XKR4: variants seen among roughly 807,000 people sequenced by gnomAD.
XKR4 encodes XK-related protein 4.
Under a neutral mutation model 53.9 loss-of-function variants are expected in XKR4, and 12 were observed. That is an observed-to-expected ratio of 0.22 (90% CI 0.14 to 0.36). The LOEUF (loss-of-function observed/expected upper bound fraction) is 0.36, where lower values mean the gene tolerates loss of function less well. Ranked by LOEUF, XKR4 falls within the 10% of genes least tolerant of loss-of-function variation. XKR4 has a pLI of 1.00. For synonymous variants in XKR4, 354 were observed against 362.4 expected, an observed-to-expected ratio of 0.98 and a Z score of 0.26; for missense variants, 799 against 859.5, an observed-to-expected ratio of 0.93 and a Z score of 0.88.
intron 1 of XKR4, among the ~76,000 whole-genome samples, chr8:55,284,840 C>T (rs1818886165): frequency 6.6e-6 from 1 of 152,178 alleles, no homozygotes; most frequent in Non-Finnish European, 1.5e-5. Context: ...ATGTTTATTG[C>T]ATCAGCCTCA....
At chr8:55,459,693 A>G (rs893496504) in intron 2 of XKR4, among the ~76,000 whole-genome samples, 25 of 152,176 alleles carry the variant, frequency 1.6e-4, no homozygotes, top group African/African-American at 4.3e-4. Context: ...GATACTAAAC[A>G]TCTTTTAGTA....
At chr8:55,132,720 G>T (rs7830796) in intron 1 of XKR4, among the ~76,000 whole-genome samples, 370 of 152,284 alleles carry the variant, frequency 2.4e-3, no homozygotes, top group African/African-American at 8.4e-3. Flanking sequence ...GGGTCCTAAC[G>T]TACTTGCCTG....
intron 1 of XKR4, among the ~76,000 whole-genome samples, chr8:55,302,083 T>C (rs1819208069): frequency 6.6e-6 from 1 of 152,074 alleles, no homozygotes; most frequent in Admixed American, 6.5e-5. Context: ...GCCTATGTCC[T>C]GAATGGTATT....
chr8:55,208,986 AT>A (rs1391580296), intron 1 of XKR4, among the ~76,000 whole-genome samples: 1 of 152,192 alleles, frequency 6.6e-6, no homozygotes, highest in Non-Finnish European at 1.5e-5. Flanking sequence ...ATAAACTGTA[AT>A]TCAACACTGT....
intron 1 of XKR4, among the ~76,000 whole-genome samples, chr8:55,277,903 AAT>A (rs1423310516): frequency 6.6e-6 from 1 of 152,244 alleles, no homozygotes; most frequent in Non-Finnish European, 1.5e-5. Flanking sequence ...AAAATAAAAA[AAT>A]ATGTGAATAT....
chr8:55,393,931 G>A (rs1056243957), intron 2 of XKR4, among the ~76,000 whole-genome samples: 2 of 152,292 alleles, frequency 1.3e-5, no homozygotes, highest in East Asian at 1.9e-4. Flanking sequence ...TTCTGCCCAA[G>A]ACAGTTCATC....
intron 2 of XKR4, among the ~76,000 whole-genome samples, chr8:55,368,748 T>C (rs571196235): frequency 3.3e-5 from 5 of 152,318 alleles, no homozygotes; most frequent in African/African-American, 1.2e-4. Context: ...TGGAAGGCAC[T>C]CAAAAGTCCT....
In XKR4 at chr8:55,510,330, G is replaced by A. The variant is rs150108019; in HGVS notation, c.1007-12951G>A. Reference sequence around the variant, plus strand: ...TCTCCAGGCAGAAGGTGGACGAGAAGCGGGAAGGCGCAATTCTGGAAGGAC... The same window carrying A: ...TCTCCAGGCAGAAGGTGGACGAGAAACGGGAAGGCGCAATTCTGGAAGGAC... On this transcript the variant is annotated intron_variant, in intron 2 of 2. Transcript: ENST00000327381. Among the ~76,000 whole-genome samples the A allele has an allele frequency of 2.4e-3, 369 of 152,326 alleles. 1 individual carries two copies. The highest frequency in any genetic ancestry group is 4.1e-3 in the Non-Finnish European group (276 of 68,028).
intron 1 of XKR4, among the ~76,000 whole-genome samples, chr8:55,159,232 A>G (rs1816950699): frequency 6.6e-6 from 1 of 152,150 alleles, no homozygotes; most frequent in Non-Finnish European, 1.5e-5. Flanking sequence ...TAGGTATTTT[A>G]TTCTTTTATT....
intron 1 of XKR4, among the ~76,000 whole-genome samples, chr8:55,171,730 C>CTGCATTT (rs1298316948): frequency 3.9e-5 from 6 of 152,168 alleles, no homozygotes; most frequent in African/African-American, 1.4e-4. Flanking sequence ...AGGCATTGCC[C>CTGCATTT]TGCATTTTTC....
chr8:55,135,798 T>A (rs1342049814), intron 1 of XKR4: 4 of 296,208 alleles, frequency 1.4e-5, no homozygotes, highest in African/African-American at 4.3e-5. Context: ...GACCACTTCC[T>A]CTCTCTGGTC....
intron 2 of XKR4, among the ~76,000 whole-genome samples, chr8:55,439,425 C>T (rs1805233993): frequency 6.6e-6 from 1 of 152,066 alleles, no homozygotes; most frequent in Non-Finnish European, 1.5e-5. Context: ...ACCTCAGCAA[C>T]AGATTGGCAA....
chr8:55,147,207 G>A (rs1453956004), intron 1 of XKR4, among the ~76,000 whole-genome samples: 1 of 152,138 alleles, frequency 6.6e-6, no homozygotes, highest in East Asian at 1.9e-4. Context: ...CAATTAACAT[G>A]TGCTGTGACT....
intron 2 of XKR4, among the ~76,000 whole-genome samples, chr8:55,439,719 A>T (rs1805237366): frequency 6.6e-6 from 1 of 152,194 alleles, no homozygotes; most frequent in Non-Finnish European, 1.5e-5. Context: ...AAATACATAG[A>T]TGATAGAGTA....
intron 2 of XKR4, among the ~76,000 whole-genome samples, chr8:55,455,300 C>G (rs1054663843): frequency 1.1e-4 from 17 of 151,720 alleles, no homozygotes; most frequent in Admixed American, 2.6e-4. Flanking sequence ...CAGACACCAT[C>G]TTCTCAGCCA....
chr8:55,484,035 T>C (rs1022819647), intron 2 of XKR4, among the ~76,000 whole-genome samples: 2 of 151,652 alleles, frequency 1.3e-5, no homozygotes, highest in Non-Finnish European at 2.9e-5. Flanking sequence ...ATATCCAGAG[T>C]GAAGCAAGAG....
intron 2 of XKR4, among the ~76,000 whole-genome samples, chr8:55,522,415 G>C (rs766616988): frequency 3.4e-4 from 51 of 152,214 alleles, no homozygotes; most frequent in Admixed American, 7.9e-4. Context: ...AAGAGTGCCA[G>C]ATTGCACTAG....
chr8:55,480,633 G>C (rs1369378477), intron 2 of XKR4, among the ~76,000 whole-genome samples: 3 of 151,950 alleles, frequency 2.0e-5, no homozygotes, highest in Non-Finnish European at 4.4e-5. Flanking sequence ...CAGATGACAT[G>C]ATTGTATATT....
chr8:55,231,508 G>C (rs1355038222), intron 1 of XKR4, among the ~76,000 whole-genome samples: 1 of 152,192 alleles, frequency 6.6e-6, no homozygotes, highest in Non-Finnish European at 1.5e-5. Flanking sequence ...AGGCTGGGCA[G>C]TGATCATGGC....
Sources: allele counts gnomAD v4.1 joint callset (sites outside exome capture counted in the v4.1 genomes callset), GRCh38; gene constraint gnomAD v4.1.1; transcripts MANE v1.5; gene names NCBI Gene and HGNC (gene_info 2026-07-23, HGNC 2026-07-21).